Variants in CDH12 observed in about 807,000 individuals in gnomAD.
CDH12 encodes the protein cadherin 12, also known as cadherin-12.
Under a neutral mutation model 74.1 loss-of-function variants are expected in CDH12, and 41 were observed. That is an observed-to-expected ratio of 0.55 (90% confidence interval 0.43 to 0.72). The LOEUF is 0.72. Among genes scored for constraint, CDH12 ranks in the 30% least tolerant of loss-of-function variants. The pLI, the probability that CDH12 is intolerant of heterozygous loss-of-function variation, is 0.00. For synonymous variants in CDH12, 399 were observed against 355.0 expected (o/e 1.12, Z -1.39); for missense variants, 945 against 977.2 (o/e 0.97, Z 0.44).
chr5:22,269,145 T>C lies in CDH12; in HGVS notation c.-332-56502A>G, dbSNP rs117239741. ...GAGGAATTATTAATAATAAATGTGC[T>C]TAAACACTTCTTGACAAAGAATATG... On this transcript the variant is annotated intron_variant, in intron 3 of 14. Coordinates refer to ENST00000382254, the MANE Select transcript of CDH12 (RefSeq NM_004061.5). 4.4e-4 allele frequency among the ~76,000 whole-genome samples: 67 copies of C among 152,316 alleles called. 1 individual carries two copies. In the East Asian group the frequency reaches 0.012, roughly 26 times the overall value.
At chr5:22,015,357 A>T (rs905925181) in intron 5 of CDH12, among the ~76,000 whole-genome samples, 5 of 152,190 alleles carry the variant, frequency 3.3e-5, no homozygotes, top group Non-Finnish European at 5.9e-5. Context: ...CTTATCACAT[A>T]GTAGAGATAT....
chr5:22,340,454 G>C (rs1310560992), intron 3 of CDH12, among the ~76,000 whole-genome samples: 1 of 150,714 alleles, frequency 6.6e-6, no homozygotes, highest in East Asian at 2.0e-4. Flanking sequence ...GTGAACCCAG[G>C]AGCAGAGTTT....
chr5:22,022,629 T>C (rs1234084800), intron 5 of CDH12, among the ~76,000 whole-genome samples: 1 of 152,176 alleles, frequency 6.6e-6, no homozygotes, highest in Non-Finnish European at 1.5e-5. Flanking sequence ...GAAGTAATAA[T>C]ATCACAGGCT....
intron 2 of CDH12, among the ~76,000 whole-genome samples, chr5:22,483,452 T>G (rs1427132966): frequency 6.6e-6 from 1 of 151,742 alleles, no homozygotes; most frequent in Non-Finnish European, 1.5e-5. Flanking sequence ...GATTTCCTAG[T>G]GGTGAAATGC....
At chr5:22,739,422 C>T (rs56297206) in intron 1 of CDH12, among the ~76,000 whole-genome samples, 45,512 of 151,592 alleles carry the variant, frequency 0.3, 6,953 homozygotes, top group South Asian at 0.35. Context: ...ACAAATGTTA[C>T]ATTTAAGAAC....
intron 5 of CDH12, among the ~76,000 whole-genome samples, chr5:22,025,699 C>T (rs1487525107): frequency 1.3e-5 from 2 of 152,148 alleles, no homozygotes; most frequent in South Asian, 2.1e-4. Context: ...CAGTAGGACT[C>T]CTTTCAAAAT....
intron 1 of CDH12, among the ~76,000 whole-genome samples, chr5:22,665,874 T>C (rs1276591971): frequency 2.0e-5 from 3 of 152,184 alleles, no homozygotes; most frequent in Admixed American, 2.0e-4. Flanking sequence ...CAAGCAGTTA[T>C]TTAATGTTGA....
intron 4 of CDH12, among the ~76,000 whole-genome samples, chr5:22,094,931 A>G (rs1448245480): frequency 6.6e-6 from 1 of 152,144 alleles, no homozygotes; most frequent in Non-Finnish European, 1.5e-5. Context: ...CAAACCTTAT[A>G]AAACGGGCCC....
chr5:21,833,210 AT>A (rs1749248111), intron 8 of CDH12, among the ~76,000 whole-genome samples: 1 of 40,266 alleles, frequency 2.5e-5, no homozygotes, highest in Non-Finnish European at 3.4e-5. Flanking sequence ...ATATATTATA[AT>A]ATATATTATA....
intron 4 of CDH12, among the ~76,000 whole-genome samples, chr5:22,092,838 G>A (rs541959778): frequency 6.6e-6 from 1 of 152,058 alleles, no homozygotes; most frequent in East Asian, 1.9e-4. Context: ...GCCGAACAGT[G>A]GAAACAAATT....
intron 10 of CDH12, among the ~76,000 whole-genome samples, chr5:21,791,804 G>A (rs951641560): frequency 1.3e-4 from 19 of 151,660 alleles, no homozygotes; most frequent in Non-Finnish European, 2.4e-4. Context: ...TTTCAGAAAC[G>A]CCTTTAAAAT....
chr5:22,183,711 G>C (rs912642959), intron 4 of CDH12, among the ~76,000 whole-genome samples: 2 of 151,992 alleles, frequency 1.3e-5, no homozygotes, highest in African/African-American at 4.8e-5. Flanking sequence ...GGATCAGCAG[G>C]GACAATCTCA....
intron 3 of CDH12, among the ~76,000 whole-genome samples, chr5:22,284,186 T>TC (rs1737038018): frequency 6.6e-6 from 1 of 152,154 alleles, no homozygotes; most frequent in Non-Finnish European, 1.5e-5. Flanking sequence ...ACTGCAGAAT[T>TC]TATCTTTTAA....
intron 1 of CDH12, among the ~76,000 whole-genome samples, chr5:22,635,712 G>A (rs1233558231): frequency 1.3e-5 from 2 of 152,066 alleles, no homozygotes; most frequent in Non-Finnish European, 1.5e-5. Context: ...TCAGGAGATC[G>A]AAACCGGCCT....
intron 2 of CDH12, among the ~76,000 whole-genome samples, chr5:22,445,516 T>G (rs1221973791): frequency 6.6e-6 from 1 of 152,182 alleles, no homozygotes; most frequent in African/African-American, 2.4e-5. Flanking sequence ...TCGCTTATTT[T>G]TGTCAGAAGA....
intron 1 of CDH12, among the ~76,000 whole-genome samples, chr5:22,522,899 T>A (rs1561465829): frequency 6.6e-6 from 1 of 152,158 alleles, no homozygotes; most frequent in Non-Finnish European, 1.5e-5. Flanking sequence ...TATTTTCACT[T>A]CTTCCCTATG....
chr5:22,770,405 A>G (rs533420160), intron 1 of CDH12, among the ~76,000 whole-genome samples: 1 of 152,226 alleles, frequency 6.6e-6, no homozygotes, highest in African/African-American at 2.4e-5. Context: ...TTGAGAATCT[A>G]TATATTTATT....
At chr5:22,724,508 T>C (rs562279029) in intron 1 of CDH12, among the ~76,000 whole-genome samples, 1 of 152,126 alleles carries the variant, frequency 6.6e-6, no homozygotes, top group South Asian at 2.1e-4. Context: ...CCTGAGTTAC[T>C]TCACTTAGAA....
chr5:22,562,836 A>G (rs1188748416), intron 1 of CDH12, among the ~76,000 whole-genome samples: 1 of 146,334 alleles, frequency 6.8e-6, no homozygotes, highest in African/African-American at 2.5e-5. Flanking sequence ...TATTTGAAAA[A>G]TCTCATAAAT....
Sources: allele counts gnomAD v4.1 joint callset (sites outside exome capture counted in the v4.1 genomes callset), GRCh38; gene constraint gnomAD v4.1.1; transcripts MANE v1.5; gene names NCBI Gene and HGNC (gene_info 2026-07-23, HGNC 2026-07-21).